CCDC181: variants seen among roughly 807,000 people sequenced by gnomAD.
CCDC181 encodes coiled-coil domain containing 181, also known as coiled-coil domain-containing protein 181.
CCDC181 carries 35 observed loss-of-function variants against 58.7 expected under a neutral mutation model. The ratio of observed to expected loss-of-function variants is 0.60; its 90% CI spans 0.46 to 0.79. The LOEUF (loss-of-function observed/expected upper bound fraction) is 0.79. CCDC181 is among the 30% of genes least tolerant of loss of function. The pLI, the probability that CCDC181 is intolerant of heterozygous loss-of-function variation, is 0.00. For missense variants in CCDC181, 517 were observed against 583.9 expected (o/e 0.89, Z 1.18); for synonymous variants, 183 against 197.5 (o/e 0.93, Z 0.62).
At chr1:169,425,021 G>T in intron 1 of CCDC181, 71 bp from the exon 2 acceptor site, 2 of 623,996 alleles carry the variant, frequency 3.2e-6, no homozygotes, top group Non-Finnish European at 5.6e-6. Context: ...GGAGATTAAT[G>T]CTGTAGGTAA....
intron 2 of CCDC181, among the ~76,000 whole-genome samples, chr1:169,436,803 C>G (rs1054481523): frequency 2.6e-5 from 4 of 152,120 alleles, no homozygotes; most frequent in African/African-American, 4.8e-5. Flanking sequence ...CTTCTGGGCC[C>G]ACTGGGAGGT....
intron 2 of CCDC181, among the ~76,000 whole-genome samples, chr1:169,456,056 A>T (rs1161598728): frequency 1.3e-5 from 2 of 152,116 alleles, no homozygotes; most frequent in African/African-American, 2.4e-5. Flanking sequence ...TTTCTGCAGG[A>T]AAGTTGTCTT....
rs371618475 is a variant in CCDC181, at chr1:169,416,990, T to C, written c.1215+2023A>G. On this transcript the variant is annotated intron_variant, in intron 4 of 5. Transcript: ENST00000367806. ...AACCAAACTAAAAAAGGAAAAAGATTATAAACAGGAAATTCACAGAATAAT... is the reference window on the plus strand; with the variant it reads ...AACCAAACTAAAAAAGGAAAAAGATCATAAACAGGAAATTCACAGAATAAT... Among the ~76,000 whole-genome samples the C allele has an allele frequency of 4.6e-5, 7 of 152,190 alleles. No individual in the cohort carries two copies. In the East Asian group the frequency reaches 1.2e-3, roughly 25 times the overall value.
intron 4 of CCDC181, among the ~76,000 whole-genome samples, chr1:169,401,461 A>G (rs1295506824): frequency 1.3e-5 from 2 of 152,210 alleles, no homozygotes; most frequent in South Asian, 4.1e-4. Flanking sequence ...TTCCAGAGGA[A>G]GGATCAGGCA....
In CCDC181 at chr1:169,397,029, C is replaced by CAT. The variant is rs1015713190; in HGVS notation, c.1370+206_1370+207dup. 3.5e-4 allele frequency among the ~76,000 whole-genome samples: 52 copies of CAT among 149,468 alleles called. No homozygotes were observed. In the East Asian group the frequency reaches 4.7e-3, roughly 13 times the overall value. On this transcript the variant is annotated intron_variant, in intron 5 of 5. Transcript: ENST00000367806. ...AGTATCTTGAAGAAAAATTGGTATG[C>CAT]ATATATATATATAACTCCATATATA...
intron 4 of CCDC181, among the ~76,000 whole-genome samples, chr1:169,415,807 T>G (rs1318892457): frequency 6.6e-6 from 1 of 152,110 alleles, no homozygotes; most frequent in Non-Finnish European, 1.5e-5. Context: ...GACCTTTGAT[T>G]CTCTCATCTT....
Position 169,441,884 on chromosome 1 carries a change from T to TTATGTG in CCDC181, c.-23-16935_-23-16934insCACATA, listed in dbSNP as rs762127362. ...TTCCCTCTCCACTGTTTAATACTAG[T>TTATGTG]TACGTGTATAAATTTTAAATGTGCA... On this transcript the variant is annotated intron_variant, in intron 2 of 6. Transcript: ENST00000545005. Among the ~76,000 whole-genome samples, 315 of 152,194 alleles carry TTATGTG rather than the reference T, an allele frequency of 2.1e-3. 2 individuals are homozygous for TTATGTG. The highest frequency in any genetic ancestry group is 3.9e-3 in the Non-Finnish European group (264 of 67,976).
intron 2 of CCDC181, among the ~76,000 whole-genome samples, chr1:169,438,671 T>C (rs1227907874): frequency 1.3e-5 from 2 of 152,150 alleles, no homozygotes; most frequent in African/African-American, 4.8e-5. Context: ...CCACTCCAGA[T>C]GGGAAGGGAT....
upstream of CCDC181, among the ~76,000 whole-genome samples, chr1:169,430,148 A>G (rs997920711): frequency 4.3e-4 from 65 of 152,110 alleles, no homozygotes; most frequent in Non-Finnish European, 7.5e-4. Context: ...TCATTAGTCT[A>G]TGTGCCTGTT....
chr1:169,415,267 T>C (rs1656162970), intron 4 of CCDC181, among the ~76,000 whole-genome samples: 1 of 152,222 alleles, frequency 6.6e-6, no homozygotes, highest in Non-Finnish European at 1.5e-5. Context: ...CATAGCTGTG[T>C]TTTCCGTGGT....
At chr1:169,417,590 T>C (rs1277762165) in intron 4 of CCDC181, among the ~76,000 whole-genome samples, 1 of 152,108 alleles carries the variant, frequency 6.6e-6, no homozygotes, top group Non-Finnish European at 1.5e-5. Flanking sequence ...ACATAGTTAT[T>C]GAGATTATTA....
chr1:169,452,567 C>G (rs1366759031), intron 2 of CCDC181: 1 of 152,044 alleles, frequency 6.6e-6, no homozygotes, highest in African/African-American at 2.4e-5. Context: ...CCTGTGCAGG[C>G]CACTTCTATG....
chr1:169,417,892 G>A (rs1163509535), intron 4 of CCDC181, among the ~76,000 whole-genome samples: 1 of 152,090 alleles, frequency 6.6e-6, no homozygotes, highest in Non-Finnish European at 1.5e-5. Context: ...AAAACTAGGG[G>A]TAGAGACCTA....
chr1:169,408,187 A>G (rs1571473414), intron 4 of CCDC181, among the ~76,000 whole-genome samples: 2 of 152,342 alleles, frequency 1.3e-5, no homozygotes, highest in African/African-American at 4.8e-5. Context: ...TCTCACTGCC[A>G]GCACAGCAGT....
At chr1:169,433,983 G>A (rs1428290676) in intron 2 of CCDC181, among the ~76,000 whole-genome samples, 2 of 152,020 alleles carry the variant, frequency 1.3e-5, no homozygotes, top group Admixed American at 1.3e-4. Flanking sequence ...TCAGCAGAAT[G>A]AAAAGGCAAC....
intron 2 of CCDC181, among the ~76,000 whole-genome samples, chr1:169,450,443 A>G (rs903320146): frequency 5.9e-5 from 9 of 152,156 alleles, no homozygotes; most frequent in Admixed American, 2.0e-4. Context: ...TGCATTTGCC[A>G]TAATGTTTTT....
intron 4 of CCDC181, among the ~76,000 whole-genome samples, chr1:169,410,002 AT>A (rs1482173581): frequency 1.3e-5 from 2 of 152,294 alleles, no homozygotes; most frequent in East Asian, 3.9e-4. Context: ...ACCAACTAGC[AT>A]CATAATGACA....
At chr1:169,407,483 T>G (rs1017757702) in intron 4 of CCDC181, among the ~76,000 whole-genome samples, 3 of 152,154 alleles carry the variant, frequency 2.0e-5, no homozygotes, top group African/African-American at 7.2e-5. Context: ...GAGGCATACT[T>G]AAAAAGTATA....
At chr1:169,459,393 C>G (rs1287545845) in intron 2 of CCDC181, among the ~76,000 whole-genome samples, 1 of 152,126 alleles carries the variant, frequency 6.6e-6, no homozygotes, top group Non-Finnish European at 1.5e-5. Flanking sequence ...AATTTCTACC[C>G]ATCTGGGAGC....
Sources: allele counts gnomAD v4.1 joint callset (sites outside exome capture counted in the v4.1 genomes callset), GRCh38; gene constraint gnomAD v4.1.1; transcripts MANE v1.5; gene names NCBI Gene and HGNC (gene_info 2026-07-23, HGNC 2026-07-21).